The following GPC5 variants were observed in gnomAD, a reference collection of about 807,000 sequenced individuals.
GPC5 encodes glypican-5.
GPC5 carries 47 observed loss-of-function variants against 53.9 expected under a neutral mutation model. That is an observed-to-expected ratio of 0.87 (90% confidence interval 0.69 to 1.11). The LOEUF is 1.11. GPC5 is among the 50% of genes most tolerant of loss of function. GPC5 has a pLI of 0.00. For synonymous variants in GPC5, 286 were observed against 263.3 expected, an observed-to-expected ratio of 1.09 and a Z score of -0.84; for missense variants, 748 against 713.1, an observed-to-expected ratio of 1.05 and a Z score of -0.56.
At chr13:92,038,741 T>C (rs2040917989) in intron 6 of GPC5, among the ~76,000 whole-genome samples, 1 of 151,978 alleles carries the variant, frequency 6.6e-6, no homozygotes, top group South Asian at 2.1e-4. Flanking sequence ...TTGACATGTC[T>C]TTGGCATATA....
At chr13:92,781,741 G>A (rs777184415) in intron 7 of GPC5, among the ~76,000 whole-genome samples, 1 of 152,110 alleles carries the variant, frequency 6.6e-6, no homozygotes, top group African/African-American at 2.4e-5. Flanking sequence ...TTACTCAAAT[G>A]TTTGTTTAAA....
intron 6 of GPC5, among the ~76,000 whole-genome samples, chr13:92,050,361 C>T (rs1486383741): frequency 6.6e-6 from 1 of 152,054 alleles, no homozygotes; most frequent in African/African-American, 2.4e-5. Context: ...CATATCCAGA[C>T]AATTTCAGAC....
chr13:91,508,057 A>G (rs1042649686), intron 2 of GPC5, among the ~76,000 whole-genome samples: 9 of 152,222 alleles, frequency 5.9e-5, no homozygotes, highest in African/African-American at 2.2e-4. Flanking sequence ...ATGATAAAGG[A>G]TAAGTGACCT....
chr13:92,739,332 AC>A (rs777636984), intron 7 of GPC5, among the ~76,000 whole-genome samples: 68 of 152,226 alleles, frequency 4.5e-4, no homozygotes, highest in Admixed American at 1.4e-3. Flanking sequence ...GGATAAACAA[AC>A]ATTGACCTAA....
intron 5 of GPC5, among the ~76,000 whole-genome samples, chr13:91,888,354 T>C (rs2039348669): frequency 6.6e-6 from 1 of 152,080 alleles, no homozygotes. Flanking sequence ...AAGACGAAAT[T>C]TGGGTGGGGA....
At chr13:91,919,716 G>A (rs1010048328) in intron 6 of GPC5, among the ~76,000 whole-genome samples, 1 of 151,826 alleles carries the variant, frequency 6.6e-6, no homozygotes, top group African/African-American at 2.4e-5. Context: ...TTTCTCCCTT[G>A]CAGTCTTTCT....
chr13:92,551,309 A>AG (rs1882303805), intron 7 of GPC5, among the ~76,000 whole-genome samples: 1 of 151,788 alleles, frequency 6.6e-6, no homozygotes, highest in African/African-American at 2.4e-5. Context: ...GAAAAAAAAA[A>AG]AGAGAGCGAA....
At chr13:92,777,309 C>A (rs933427493) in intron 7 of GPC5, among the ~76,000 whole-genome samples, 1 of 133,026 alleles carries the variant, frequency 7.5e-6, no homozygotes, top group East Asian at 2.5e-4. Context: ...GCACTCAAGC[C>A]TGGGCAATAG....
At chr13:91,519,186 T>G (rs1202314190) in intron 2 of GPC5, among the ~76,000 whole-genome samples, 9 of 152,364 alleles carry the variant, frequency 5.9e-5, no homozygotes, top group African/African-American at 2.2e-4. Context: ...TTGGGATAGA[T>G]GAGCAATGTC....
chr13:92,431,096 T>G (rs893972013), intron 7 of GPC5, among the ~76,000 whole-genome samples: 7 of 152,208 alleles, frequency 4.6e-5, no homozygotes, highest in Non-Finnish European at 1.0e-4. Context: ...ATTTTGAGAT[T>G]CTGCATTTTA....
chr13:91,682,460 A>G (rs1427392771), intron 2 of GPC5, among the ~76,000 whole-genome samples: 1 of 152,188 alleles, frequency 6.6e-6, no homozygotes, highest in South Asian at 2.1e-4. Flanking sequence ...TGCCATTATT[A>G]TACCTGTTTT....
At chr13:92,092,068 G>A (rs1163806441) in intron 6 of GPC5, among the ~76,000 whole-genome samples, 1 of 152,084 alleles carries the variant, frequency 6.6e-6, no homozygotes. Context: ...CTATGCATTA[G>A]CCACTCCCAT....
At chr13:92,211,782 G>A (rs890276335) in intron 7 of GPC5, among the ~76,000 whole-genome samples, 19 of 152,254 alleles carry the variant, frequency 1.2e-4, no homozygotes, top group African/African-American at 4.6e-4. Context: ...AATTAGATAG[G>A]CTCAATCTGA....
At chr13:91,951,843 A>G (rs2040028560) in intron 6 of GPC5, among the ~76,000 whole-genome samples, 1 of 152,162 alleles carries the variant, frequency 6.6e-6, no homozygotes, top group Non-Finnish European at 1.5e-5. Flanking sequence ...GCCATGTCTC[A>G]TCAAATCAAC....
At chr13:91,684,375 AC>A (rs1321887072) in intron 2 of GPC5, among the ~76,000 whole-genome samples, 1 of 152,286 alleles carries the variant, frequency 6.6e-6, no homozygotes, top group East Asian at 1.9e-4. Flanking sequence ...CATGTTCAAA[AC>A]AAAACCTTTA....
chr13:92,055,346 G>A (rs531905559), intron 6 of GPC5, among the ~76,000 whole-genome samples: 2 of 152,182 alleles, frequency 1.3e-5, no homozygotes, highest in African/African-American at 2.4e-5. Context: ...GTGATTATGG[G>A]CTAATTGGAT....
chr13:92,437,889 A>C (rs1323106149), intron 7 of GPC5, among the ~76,000 whole-genome samples: 1 of 152,116 alleles, frequency 6.6e-6, no homozygotes, highest in Non-Finnish European at 1.5e-5. Context: ...TCTCCTCTAC[A>C]ATAAGCTAGA....
At chr13:92,854,197 T>C (rs1878908940) in intron 7 of GPC5, among the ~76,000 whole-genome samples, 1 of 148,408 alleles carries the variant, frequency 6.7e-6, no homozygotes, top group Non-Finnish European at 1.5e-5. Flanking sequence ...GTAGTGATGG[T>C]ATAGAGATAT....
intron 2 of GPC5, among the ~76,000 whole-genome samples, chr13:91,504,340 G>T (rs1357849923): frequency 6.6e-6 from 1 of 151,938 alleles, no homozygotes; most frequent in African/African-American, 2.4e-5. Flanking sequence ...ATAAAGTCAG[G>T]AAGAATATCA....
Sources: allele counts gnomAD v4.1 joint callset (sites outside exome capture counted in the v4.1 genomes callset), GRCh38; gene constraint gnomAD v4.1.1; transcripts MANE v1.5; gene names NCBI Gene and HGNC (gene_info 2026-07-23, HGNC 2026-07-21).